BAZ1A: variants seen among roughly 807,000 people sequenced by gnomAD.
The protein encoded by BAZ1A is bromodomain adjacent to zinc finger domain protein 1A.
In BAZ1A, 50 loss-of-function variants were observed where a neutral mutation model predicts 185.2. The ratio of observed to expected loss-of-function variants is 0.27; its 90% CI spans 0.22 to 0.34. BAZ1A has a LOEUF of 0.34. Ranked by LOEUF, BAZ1A falls within the 10% of genes least tolerant of loss-of-function variation. The pLI, the probability that BAZ1A is intolerant of heterozygous loss-of-function variation, is 1.00. For synonymous variants in BAZ1A, 571 were observed against 615.6 expected (o/e 0.93, Z 1.07); for missense variants, 1,356 against 1,839.9 (o/e 0.74, Z 4.81).
intron 9 of BAZ1A, 38 bp downstream of exon 9, chr14:34,800,186 A>G (rs918195182): frequency 2.3e-6 from 3 of 1,305,170 alleles, no homozygotes; most frequent in Non-Finnish European, 3.1e-6. Context: ...TAGTATTACT[A>G]TATGTAGAGA....
chr14:34,827,354 A>AT (rs2138718889), intron 3 of BAZ1A, among the ~76,000 whole-genome samples: 1 of 152,306 alleles, frequency 6.6e-6, no homozygotes, highest in East Asian at 1.9e-4. Flanking sequence ...TCCATCCATT[A>AT]TGGAAGATGG....
At chr14:34,800,943 C>A in intron 8 of BAZ1A, 151 bp downstream of exon 8, 3 of 576,436 alleles carry the variant, frequency 5.2e-6, no homozygotes, top group Non-Finnish European at 8.8e-6. Context: ...AGCAAACAAA[C>A]AAATAAACAA....
At chr14:34,866,502 A>AAAAAAAAGAAAAAAAGAAAG in intron 2 of BAZ1A, among the ~76,000 whole-genome samples, 5 of 79,566 alleles carry the variant, frequency 6.3e-5, no homozygotes, top group African/African-American at 1.9e-4. Context: ...AAAAAAAAAA[A>AAAAAAAAGAAAAAAAGAAAG]GAAAAAAGTT....
chr14:34,770,340 A>T (rs968995084), intron 21 of BAZ1A, among the ~76,000 whole-genome samples: 1 of 152,018 alleles, frequency 6.6e-6, no homozygotes, highest in Non-Finnish European at 1.5e-5. Context: ...TTTAGTAGAG[A>T]CGGGGTTTCA....
intron 3 of BAZ1A, among the ~76,000 whole-genome samples, chr14:34,861,044 A>G (rs1409163267): frequency 3.3e-5 from 5 of 152,232 alleles, no homozygotes; most frequent in African/African-American, 1.2e-4. Context: ...TTGTTAAGAC[A>G]TTAATTCTAA....
In BAZ1A at chr14:34,795,656, TAAC is replaced by T. The variant is rs1566566577; in HGVS notation, c.1224+11_1224+13del. The T allele has an allele frequency of 6.3e-7, 1 of 1,576,634 alleles. No homozygotes were observed. Among genetic ancestry groups the T allele is most frequent in the Middle Eastern group, 1.7e-4 (1 of 5,946 alleles). On this transcript the variant is annotated intron_variant, in intron 10 of 26. Transcript: ENST00000360310. ...AAACCTATGTGTGCTAAACATCACA[TAAC>T]ATGTTTATACCTTAAGGTCATCACA...
intron 4 of BAZ1A, among the ~76,000 whole-genome samples, chr14:34,815,691 C>T (rs1448939862): frequency 6.6e-6 from 1 of 152,034 alleles, no homozygotes; most frequent in East Asian, 1.9e-4. Flanking sequence ...ATATTATGAA[C>T]ATTTGACAAT....
intron 21 of BAZ1A, among the ~76,000 whole-genome samples, chr14:34,770,782 G>A (rs1879162199): frequency 6.6e-6 from 1 of 152,088 alleles, no homozygotes; most frequent in African/African-American, 2.4e-5. Context: ...ATAAATTATA[G>A]AGCATTTCCT....
Position 34,874,780 on chromosome 14 carries a change from C to G in BAZ1A, c.-58-118G>C, listed in dbSNP as rs2043016225. 17 of 527,106 alleles carry G rather than the reference C, an allele frequency of 3.2e-5. No individual in the cohort carries two copies. The East Asian group carries it at 6.1e-4, about 19-fold the overall frequency. The allele number at this position is 527,106 out of a possible 1,614,324, so 32.7% of individuals were successfully genotyped here. A position where few individuals can be genotyped will look rare whatever the true frequency, so the allele number is the denominator to read the frequency against. ...CTTTTGTGTGACTGACGCGCCGCGGCCGCTACCGGAGCCGAGTTCGTTCCT... is the reference window on the plus strand; with the variant it reads ...CTTTTGTGTGACTGACGCGCCGCGGGCGCTACCGGAGCCGAGTTCGTTCCT... On this transcript the variant is annotated intron_variant, in intron 1 of 26. Transcript: ENST00000360310. This position sits in a 1 kb window ranked among gnomAD's most constrained non-coding sequence, Gnocchi z 4.7.
Position 34,874,610 on chromosome 14 carries a change from G to A in BAZ1A, c.-6C>T. 1 of 1,601,668 alleles carries A rather than the reference G, an allele frequency of 6.2e-7. No homozygotes were observed. Among genetic ancestry groups the A allele is most frequent in the Admixed American group, 1.7e-5 (1 of 59,348 alleles). On this transcript the variant is annotated 5_prime_UTR_variant, in exon 2 of 27. It adds an upstream start codon to the 5' untranslated region. Coordinates refer to ENST00000360310, the MANE Select transcript of BAZ1A (RefSeq NM_013448.3). This position sits in a 1 kb window ranked among gnomAD's most constrained non-coding sequence, Gnocchi z 4.7. ...TTTCGGTGTAGCAGCGGCATCTCCC[G>A]TCCGCCCGCGGGCTCGCCTGGACCC...
chr14:34,792,123 C>T (rs1480853547), intron 12 of BAZ1A, among the ~76,000 whole-genome samples: 1 of 152,168 alleles, frequency 6.6e-6, no homozygotes, highest in Non-Finnish European at 1.5e-5. Context: ...GTGGTTCACG[C>T]CTGTAATCCC....
chr14:34,815,568 C>T (rs998007989), intron 4 of BAZ1A, among the ~76,000 whole-genome samples: 1 of 152,052 alleles, frequency 6.6e-6, no homozygotes, highest in African/African-American at 2.4e-5. Context: ...AACACCATTC[C>T]GATTATTCAT....
At chr14:34,836,276 G>A (rs2042328650) in intron 3 of BAZ1A, among the ~76,000 whole-genome samples, 1 of 68,080 alleles carries the variant, frequency 1.5e-5, no homozygotes, top group African/African-American at 5.0e-5. Context: ...CTACTCGGGA[G>A]GCTGAGGCAG....
chr14:34,849,088 T>C (rs1203177882), intron 3 of BAZ1A, among the ~76,000 whole-genome samples: 3 of 152,152 alleles, frequency 2.0e-5, no homozygotes, highest in African/African-American at 7.2e-5. Flanking sequence ...ACAAGGCCGG[T>C]TGAAGACTAG....
intron 25 of BAZ1A, 156 bp downstream of exon 25, chr14:34,758,548 C>T (rs564432815): frequency 2.8e-6 from 2 of 721,654 alleles, no homozygotes; most frequent in African/African-American, 3.6e-5. Flanking sequence ...CCACTGCACT[C>T]CAGCCTGGGC....
intron 3 of BAZ1A, among the ~76,000 whole-genome samples, chr14:34,829,818 T>C (rs1204793600): frequency 1.3e-5 from 2 of 152,228 alleles, no homozygotes; most frequent in East Asian, 3.8e-4. Context: ...TTCTTCTCTG[T>C]CTTTGCCTGC....
chr14:34,844,923 A>C (rs909583628), intron 3 of BAZ1A, among the ~76,000 whole-genome samples: 2 of 152,230 alleles, frequency 1.3e-5, no homozygotes, highest in African/African-American at 4.8e-5. Context: ...TGTGATATGT[A>C]AAATAATATG....
intron 3 of BAZ1A, among the ~76,000 whole-genome samples, chr14:34,828,285 C>T (rs1482532147): frequency 1.5e-5 from 2 of 132,858 alleles, no homozygotes; most frequent in African/African-American, 2.8e-5. Context: ...AAGAGCGAAA[C>T]TCCGTCTCAA....
chr14:34,817,674 G>C (rs2042027593), intron 4 of BAZ1A, among the ~76,000 whole-genome samples: 1 of 152,134 alleles, frequency 6.6e-6, no homozygotes, highest in South Asian at 2.1e-4. Flanking sequence ...TTTAAAAATA[G>C]GCAAAGAACT....
Sources: allele counts gnomAD v4.1 joint callset (sites outside exome capture counted in the v4.1 genomes callset), GRCh38; gene constraint gnomAD v4.1.1; non-coding constraint Gnocchi (gnomAD v3.1); transcripts MANE v1.5; gene names NCBI Gene and HGNC (gene_info 2026-07-23, HGNC 2026-07-21).